FN3KRP: variants seen among roughly 807,000 people sequenced by gnomAD.
The protein encoded by FN3KRP is ketosamine-3-kinase.
In FN3KRP, 33 loss-of-function variants were observed where a neutral mutation model predicts 29.8. That is an observed-to-expected ratio of 1.11 (90% CI 0.84 to 1.48). The LOEUF is 1.48. Ranked by LOEUF, FN3KRP falls within the 40% of genes most tolerant of loss-of-function variation. The probability of loss-of-function intolerance (pLI) is 0.00; values close to 1 mark genes in which losing one functional copy is unlikely to be tolerated. For missense variants in FN3KRP, 430 were observed against 402.6 expected, an observed-to-expected ratio of 1.07 and a Z score of -0.58; for synonymous variants, 157 against 155.2, an observed-to-expected ratio of 1.01 and a Z score of -0.09.
Position 82,718,962 on chromosome 17 carries a change from C to CA in FN3KRP, c.199dup (p.Thr67AsnfsTer47), listed in dbSNP as rs781761828. The CA allele has an allele frequency of 2.6e-4, 413 of 1,614,156 alleles. 6 individuals carry two copies. In the South Asian group the frequency reaches 4.3e-3, roughly 17 times the overall value. On this transcript the variant is annotated frameshift_variant, in exon 2 of 6. Coordinates refer to ENST00000269373, the MANE Select transcript of FN3KRP (RefSeq NM_024619.4). LOFTEE classifies it high-confidence loss of function. ...GTTTAACTGCCATCCTGAAAACAAA[C>CA]ACGGTGAAAGTGCCCAAGCCCATCA...
chr17:82,727,129 C>T lies in FN3KRP; in HGVS notation c.888C>T (p.Tyr296=), dbSNP rs769798649. 2 of 1,614,120 alleles carry T rather than the reference C, an allele frequency of 1.2e-6. No homozygotes were observed. The highest frequency in any genetic ancestry group is 1.7e-6 in the Non-Finnish European group (2 of 1,180,018). Residue 296 remains tyrosine, a synonymous_variant, in exon 6 of 6, where the codon TAC becomes TAT. Coordinates refer to ENST00000269373, the MANE Select transcript of FN3KRP (RefSeq NM_024619.4). Reference sequence around the variant, plus strand: ...ACTGGAATCATTTTGGATCGGGGTACAGAGGATCCTCCCTGAACATCATGA... The same window carrying T: ...ACTGGAATCATTTTGGATCGGGGTATAGAGGATCCTCCCTGAACATCATGA... ...LNHWNHFGSG[Y]RGSSLNIMRN...
At chr17:82,725,358 C>G (rs4789715) in intron 4 of FN3KRP, among the ~76,000 whole-genome samples, 19 of 152,066 alleles carry the variant, frequency 1.2e-4, no homozygotes, top group African/African-American at 4.3e-4. Context: ...TCTCAAACTC[C>G]TGGGCTCAAG....
Position 82,716,765 on chromosome 17 carries a change from C to G in FN3KRP, c.10C>G (p.Leu4Val). The change falls in exon 1 of 6, where the codon CTC (leucine) becomes GTC (valine). Residue 4 changes from leucine to valine, a missense_variant. Leu to Val is a conservative substitution (Grantham distance 32). Coordinates refer to ENST00000269373, the MANE Select transcript of FN3KRP (RefSeq NM_024619.4). ...CGGCCGCGGCGGGAACATGGAGGAG[C>G]TCCTGAGGCGCGAGCTGGGCTGCAG... MEELLRRELGCSSV... is the reference protein window; with the variant it reads MEEVLRRELGCSSV... 1 of 1,517,676 alleles carries G rather than the reference C, an allele frequency of 6.6e-7. No individual in the cohort carries two copies. Among genetic ancestry groups the G allele is most frequent in the Non-Finnish European group, 8.8e-7 (1 of 1,141,254 alleles). The allele number at this position is 1,517,676 out of a possible 1,614,324, so 94.0% of individuals were successfully genotyped here. A position where few individuals can be genotyped will look rare whatever the true frequency, so the allele number is the denominator to read the frequency against.
rs1383223638 is a variant in FN3KRP, at chr17:82,716,885, C to T, written c.130C>T (p.Pro44Ser). 10 of 1,567,118 alleles carry T rather than the reference C, an allele frequency of 6.4e-6. No homozygotes were observed. The highest frequency in any genetic ancestry group is 2.6e-5 in the East Asian group (1 of 38,434). The change falls in exon 1 of 6, where the codon CCC becomes TCC. Residue 44 changes from proline to serine, a missense_variant. By Grantham distance (74) the Pro-to-Ser change is moderately conservative. Transcript: ENST00000269373. ...AGGACGAGTGTTCGTGAAAGTGAAC[C>T]CCAAGGCGGAGGTCAGGCAGCGGGT... is the stretch of plus-strand genomic sequence containing the variant. Reference protein sequence around the residue: ...DQGRVFVKVNPKAEARRMFEG... With the variant: ...DQGRVFVKVNSKAEARRMFEG...
chr17:82,725,606 C>T (rs1199254233), intron 4 of FN3KRP, among the ~76,000 whole-genome samples: 3 of 152,056 alleles, frequency 2.0e-5, no homozygotes, highest in African/African-American at 7.2e-5. Flanking sequence ...CCCACCACCA[C>T]GTCCGGCTAA....
chr17:82,722,966 CTTTT>C, intron 4 of FN3KRP, 80 bp downstream of exon 4: 1 of 1,264,144 alleles, frequency 7.9e-7, no homozygotes, highest in South Asian at 1.3e-5. Flanking sequence ...CACCCCCCTC[CTTTT>C]TTTGTGAGCT....
In FN3KRP at chr17:82,727,122, CG is replaced by C; in HGVS notation, c.885del (p.Tyr296ThrfsTer6). ...HYLNHWNHFG[S>X]GYRGSSLNIM... ...TTGAACCACTGGAATCATTTTGGAT[CG>C]GGGTACAGAGGATCCTCCCTGAACA... On this transcript the variant is annotated frameshift_variant, in exon 6 of 6. Coordinates refer to ENST00000269373, the MANE Select transcript of FN3KRP (RefSeq NM_024619.4). LOFTEE classifies it high-confidence loss of function. 1.2e-6 allele frequency: 2 copies of C among 1,614,080 alleles called. No homozygotes were observed. The highest frequency in any genetic ancestry group is 1.7e-6 in the Non-Finnish European group (2 of 1,179,990).
At chr17:82,719,331 C>G (rs1370940834) in intron 2 of FN3KRP, among the ~76,000 whole-genome samples, 3 of 152,236 alleles carry the variant, frequency 2.0e-5, no homozygotes, top group African/African-American at 7.2e-5. Context: ...CTGGGGACAT[C>G]ATTTTGAGGA....
chr17:82,721,910 C>T (rs2046801275), intron 3 of FN3KRP, among the ~76,000 whole-genome samples: 1 of 152,114 alleles, frequency 6.6e-6, no homozygotes, highest in Non-Finnish European at 1.5e-5. Flanking sequence ...TCTCAGCTCA[C>T]CGCAACCTCC....
Position 82,719,128 on chromosome 17 carries a change from A to G in FN3KRP, c.293+71A>G. On this transcript the variant is annotated intron_variant, in intron 2 of 5. Coordinates refer to ENST00000269373, the MANE Select transcript of FN3KRP (RefSeq NM_024619.4). ...GTGTGTCTTCACACCTTGTTTTATT[A>G]TGTGTGTCTTCACACCACCCACTGG... 3 of 1,420,836 alleles carry G rather than the reference A, an allele frequency of 2.1e-6. 1 individual carries two copies. The South Asian group carries it at 3.7e-5, about 18-fold the overall frequency. 88.0% of individuals were successfully genotyped at this position (1,420,836 alleles called of 1,614,324 possible).
chr17:82,725,942 C>G (rs2046833950), intron 4 of FN3KRP, among the ~76,000 whole-genome samples: 1 of 152,228 alleles, frequency 6.6e-6, no homozygotes, highest in Non-Finnish European at 1.5e-5. Context: ...CTTTGAGAGG[C>G]TGAAGCGGGC....
intron 1 of FN3KRP, among the ~76,000 whole-genome samples, chr17:82,717,931 TTGTGTGTC>T (rs1461162430): frequency 1.3e-5 from 2 of 151,976 alleles, no homozygotes; most frequent in Non-Finnish European, 2.9e-5. Flanking sequence ...TGTGTATGTA[TTGTGTGTC>T]TGTGTGTGTG....
At position 82,716,748 on chromosome 17, in the gene FN3KRP, G is replaced by A; in HGVS notation, c.-8G>A. 1 of 1,489,544 alleles carries A rather than the reference G, an allele frequency of 6.7e-7. No individual in the cohort carries two copies. The highest frequency in any genetic ancestry group is 8.9e-7 in the Non-Finnish European group (1 of 1,126,172). The allele number at this position is 1,489,544 out of a possible 1,614,324, so 92.3% of individuals were successfully genotyped here. A position where few individuals can be genotyped will look rare whatever the true frequency, so the allele number is the denominator to read the frequency against. On this transcript the variant is annotated 5_prime_UTR_variant, in exon 1 of 6. Coordinates refer to ENST00000269373, the MANE Select transcript of FN3KRP (RefSeq NM_024619.4). ...GATCCGGGGCGGGTCCGCGGCCGCG[G>A]CGGGAACATGGAGGAGCTCCTGAGG...
rs374288236 is a variant in FN3KRP at position 82,722,843 on chromosome 17, G to A, written c.425G>A (p.Arg142Gln). ...GGQEERPFVA[R>Q]FGFDVVTCCG... ...CAGGAGGAACGGCCCTTTGTGGCCC[G>A]GTTTGGATTTGACGTGGTGACGTGC... The change falls in exon 4 of 6, where the codon CGG becomes CAG. Residue 142 changes from arginine (R) to glutamine (Q), a missense_variant. Transcript: ENST00000269373. The A allele has an allele frequency of 6.2e-6, 10 of 1,614,132 alleles. No individual in the cohort carries two copies. The highest frequency in any genetic ancestry group is 3.3e-4 in the Middle Eastern group (2 of 6,024).
intron 3 of FN3KRP, chr17:82,720,784 A>G: frequency 6.4e-6 from 1 of 155,256 alleles, no homozygotes; most frequent in South Asian, 2.0e-4. Flanking sequence ...GTCAGGATCG[A>G]GGGAATTTTC....
chr17:82,722,211 T>C (rs1173062941), intron 3 of FN3KRP, among the ~76,000 whole-genome samples: 1 of 143,928 alleles, frequency 6.9e-6, no homozygotes, highest in Non-Finnish European at 1.5e-5. Context: ...CTCGGCTCAC[T>C]GCAACCTCCG....
intron 4 of FN3KRP, among the ~76,000 whole-genome samples, chr17:82,725,601 C>T (rs1479186758): frequency 6.6e-6 from 1 of 152,084 alleles, no homozygotes; most frequent in Non-Finnish European, 1.5e-5. Context: ...AGGCGCCCAC[C>T]ACCACGTCCG....
In FN3KRP at chr17:82,724,622, AG is replaced by A. The variant is rs1423857235; in HGVS notation, c.468+1737del. 4.6e-5 allele frequency among the ~76,000 whole-genome samples: 7 copies of A among 152,002 alleles called. 1 individual carries two copies. In the East Asian group the frequency reaches 1.4e-3, roughly 29 times the overall value. ...TTCATCTCAAAAAAGAAAAAAAAAA[AG>A]TAAAAAGTAAACTAAAAGGTAGTAC... is the stretch of plus-strand genomic sequence containing the variant. On this transcript the variant is annotated intron_variant, in intron 4 of 5. Coordinates refer to ENST00000269373, the MANE Select transcript of FN3KRP (RefSeq NM_024619.4).
rs1241603424 is a variant in FN3KRP at position 82,726,500 on chromosome 17, C to A, written c.489C>A (p.Asp163Glu). The stretch of plus-strand genomic sequence containing the variant: ...TGCAGGTGAATGACTGGCAGGAGGA[C>A]TGGGTCGTGTTCTATGCCCGGCAGC... ...YLPQVNDWQE[D>E]WVVFYARQRI... is the part of the protein sequence containing the mutation. Residue 163 changes from aspartate (D) to glutamate (E), a missense_variant, in exon 5 of 6, where the codon GAC (aspartate) becomes GAA (glutamate). Coordinates refer to ENST00000269373, the MANE Select transcript of FN3KRP (RefSeq NM_024619.4). 3.7e-6 allele frequency: 6 copies of A among 1,613,944 alleles called. No homozygotes were observed. Among genetic ancestry groups the A allele is most frequent in the Admixed American group, 1.7e-5 (1 of 59,978 alleles).
Sources: allele counts gnomAD v4.1 joint callset (sites outside exome capture counted in the v4.1 genomes callset), GRCh38; gene constraint gnomAD v4.1.1; transcripts MANE v1.5; gene names NCBI Gene and HGNC (gene_info 2026-07-23, HGNC 2026-07-21).